SNX10: variants seen among roughly 807,000 people sequenced by gnomAD.
SNX10 encodes the protein sorting nexin 10.
A neutral mutation model predicts 28.5 loss-of-function variants in SNX10; 25 were observed. The ratio of observed to expected loss-of-function variants is 0.88; its 90% CI spans 0.64 to 1.22. The LOEUF (loss-of-function observed/expected upper bound fraction) is 1.22, where lower values mean the gene tolerates loss of function less well. Ranked by LOEUF, SNX10 falls within the 50% of genes most tolerant of loss-of-function variation. SNX10 has a pLI of 0.00. For missense variants in SNX10, 223 were observed against 242.6 expected, an observed-to-expected ratio of 0.92 and a Z score of 0.54; for synonymous variants, 62 against 81.4, an observed-to-expected ratio of 0.76 and a Z score of 1.28.
intron 1 of SNX10, among the ~76,000 whole-genome samples, chr7:26,325,110 C>T (rs894760151): frequency 4.0e-5 from 6 of 151,414 alleles, no homozygotes; most frequent in Non-Finnish European, 8.8e-5. Context: ...AACGGGCTAG[C>T]ATAGCACCTA....
intron 1 of SNX10, among the ~76,000 whole-genome samples, chr7:26,311,594 G>A (rs1786855539): frequency 6.6e-6 from 1 of 152,142 alleles, no homozygotes; most frequent in Non-Finnish European, 1.5e-5. Context: ...TCTTCAAATT[G>A]AGAAACACAG....
intron 1 of SNX10, among the ~76,000 whole-genome samples, chr7:26,296,526 T>C (rs943211084): frequency 9.2e-5 from 14 of 152,014 alleles, no homozygotes; most frequent in African/African-American, 2.7e-4. Flanking sequence ...TAAAAAGAAA[T>C]ACTAATAATA....
intron 1 of SNX10, among the ~76,000 whole-genome samples, chr7:26,344,088 A>C (rs1220264935): frequency 5.3e-5 from 8 of 151,592 alleles, no homozygotes; most frequent in Non-Finnish European, 7.4e-5. Context: ...TTCATCTTGC[A>C]CAACTGAAAC....
chr7:26,351,248 T>C (rs1360333140), intron 2 of SNX10, among the ~76,000 whole-genome samples: 1 of 152,162 alleles, frequency 6.6e-6, no homozygotes, highest in Non-Finnish European at 1.5e-5. Flanking sequence ...TGTTAAGAAA[T>C]GAACAAAGAA....
chr7:26,352,628 A>G (rs867530689), intron 2 of SNX10, among the ~76,000 whole-genome samples: 3 of 152,194 alleles, frequency 2.0e-5, no homozygotes, highest in South Asian at 4.1e-4. Flanking sequence ...TCATCTGTAA[A>G]TATTTCAGTA....
intron 1 of SNX10, among the ~76,000 whole-genome samples, chr7:26,335,623 A>G (rs1336514152): frequency 6.6e-6 from 1 of 151,978 alleles, no homozygotes; most frequent in East Asian, 1.9e-4. Flanking sequence ...TGGCACCACC[A>G]CAGATGTGTC....
intron 2 of SNX10, among the ~76,000 whole-genome samples, chr7:26,358,502 G>C (rs1245900732): frequency 6.6e-6 from 1 of 152,184 alleles, no homozygotes; most frequent in Admixed American, 6.5e-5. Context: ...CACTTTGGGA[G>C]GCTGAGGCAG....
At chr7:26,328,023 G>A (rs1460906433) in intron 1 of SNX10, among the ~76,000 whole-genome samples, 4 of 151,856 alleles carry the variant, frequency 2.6e-5, no homozygotes, top group South Asian at 2.1e-4. Context: ...TGAGGTGCCC[G>A]GCCACATTCT....
At chr7:26,338,422 C>G (rs1451757534) in intron 1 of SNX10, among the ~76,000 whole-genome samples, 1 of 151,830 alleles carries the variant, frequency 6.6e-6, no homozygotes, top group Non-Finnish European at 1.5e-5. Flanking sequence ...GTGTGGGAGA[C>G]CAGCGTTGTT....
rs572872141 is a variant in SNX10, at chr7:26,298,528, G to T, written c.-24+6442G>T. Among the ~76,000 whole-genome samples the T allele has an allele frequency of 3.7e-4, 56 of 152,272 alleles. 1 individual carries two copies. The South Asian group carries it at 8.1e-3, about 22-fold the overall frequency. ...TACCATCTCTTGGAAAGGCACGTTA[G>T]CAGTATTTATAACATTTTAAAGTTT... On this transcript the variant is annotated intron_variant, in intron 1 of 6. Coordinates refer to ENST00000338523, the MANE Select transcript of SNX10 (RefSeq NM_013322.3).
intron 1 of SNX10, among the ~76,000 whole-genome samples, chr7:26,302,451 CTG>C (rs1027449600): frequency 2.0e-5 from 3 of 148,252 alleles, no homozygotes; most frequent in African/African-American, 7.3e-5. Flanking sequence ...CACCTCAGCA[CTG>C]TGTTTCCATT....
At chr7:26,320,459 T>C (rs1370039448) in intron 1 of SNX10, among the ~76,000 whole-genome samples, 1 of 152,000 alleles carries the variant, frequency 6.6e-6, no homozygotes, top group African/African-American at 2.4e-5. Flanking sequence ...TGAGATGGAG[T>C]CTCACTCTGT....
intron 1 of SNX10, among the ~76,000 whole-genome samples, chr7:26,339,532 T>G (rs1332150832): frequency 1.3e-5 from 1 of 78,778 alleles, no homozygotes; most frequent in Non-Finnish European, 2.4e-5. Context: ...AGCTTGATCT[T>G]TTTTTTTTTT....
At chr7:26,338,932 C>T (rs1292106555) in intron 1 of SNX10, among the ~76,000 whole-genome samples, 1 of 152,192 alleles carries the variant, frequency 6.6e-6, no homozygotes. Flanking sequence ...AAGCATGGAT[C>T]TTAGGTTTTG....
At chr7:26,350,483 G>A (rs1788553064) in intron 2 of SNX10, among the ~76,000 whole-genome samples, 1 of 152,166 alleles carries the variant, frequency 6.6e-6, no homozygotes, top group African/African-American at 2.4e-5. Context: ...AGGAAAGCAT[G>A]CTTTTGATAT....
intron 3 of SNX10, among the ~76,000 whole-genome samples, chr7:26,363,153 G>GT (rs2128023179): frequency 6.6e-6 from 1 of 152,274 alleles, no homozygotes; most frequent in East Asian, 1.9e-4. Flanking sequence ...TGTGTTATAA[G>GT]TCCACCCACA....
chr7:26,312,061 T>A (rs995862428), intron 1 of SNX10, among the ~76,000 whole-genome samples: 2 of 152,128 alleles, frequency 1.3e-5, no homozygotes, highest in African/African-American at 4.8e-5. Flanking sequence ...AATTACACAA[T>A]ATCAGAAAAC....
At chr7:26,343,599 G>T (rs553028909) in intron 1 of SNX10, among the ~76,000 whole-genome samples, 4 of 152,332 alleles carry the variant, frequency 2.6e-5, no homozygotes, top group African/African-American at 9.6e-5. Flanking sequence ...CAGAGAGCCC[G>T]GGAAGTGATT....
At chr7:26,327,187 A>G (rs180997844) in intron 1 of SNX10, among the ~76,000 whole-genome samples, 1 of 151,246 alleles carries the variant, frequency 6.6e-6, no homozygotes, top group African/African-American at 2.4e-5. Context: ...CTTACCTCAG[A>G]TCATCCACCT....
Sources: allele counts gnomAD v4.1 joint callset (sites outside exome capture counted in the v4.1 genomes callset), GRCh38; gene constraint gnomAD v4.1.1; transcripts MANE v1.5; gene names NCBI Gene and HGNC (gene_info 2026-07-23, HGNC 2026-07-21).